PIKFYVE: variants seen among roughly 807,000 people sequenced by gnomAD.
PIKFYVE encodes phosphoinositide kinase, FYVE-type zinc finger containing.
PIKFYVE carries 122 observed loss-of-function variants against 257.9 expected under a neutral mutation model. The observed-to-expected ratio is 0.47, with a 90% CI of 0.41 to 0.55. PIKFYVE has a LOEUF of 0.55. Among genes scored for constraint, PIKFYVE ranks in the 20% least tolerant of loss-of-function variants. The pLI is 0.00. For synonymous variants in PIKFYVE, 892 were observed against 868.9 expected, an observed-to-expected ratio of 1.03 and a Z score of -0.47; for missense variants, 2,160 against 2,536.6, an observed-to-expected ratio of 0.85 and a Z score of 3.19.
At chr2:208,305,361 A>T in intron 12 of PIKFYVE, 8 of 1,137,596 alleles carry the variant, frequency 7.0e-6, no homozygotes, top group Non-Finnish European at 8.7e-6. Context: ...CTCTTTCTTC[A>T]TTTAACATTT....
rs185375928 is a variant in PIKFYVE, at chr2:208,283,860, G to A, written c.614-1866G>A. On this transcript the variant is annotated intron_variant, in intron 5 of 41. Transcript: ENST00000264380. The stretch of plus-strand genomic sequence containing the variant: ...TGGCCTCCCAAAGTGTTGGGATTAC[G>A]GGTGTGCACCACCATGCCTGGCCTA... 4.7e-3 allele frequency among the ~76,000 whole-genome samples: 719 copies of A among 152,206 alleles called. 4 individuals are homozygous for A. Among genetic ancestry groups the A allele is most frequent in the African/African-American group, 0.016 (676 of 41,538 alleles).
rs757878007 is a variant in PIKFYVE, at chr2:208,353,880, G to A, written c.5845-18G>A. ...TGGCAACCTGTACATAAATGACAAA[G>A]CATTTTCTTTTTACTAGGTTTTTGA... is the stretch of plus-strand genomic sequence containing the variant. On this transcript the variant is annotated intron_variant, in intron 39 of 41. Transcript: ENST00000264380. 5.0e-6 allele frequency: 8 copies of A among 1,613,128 alleles called. No homozygotes were observed. The highest frequency in any genetic ancestry group is 3.3e-5 in the South Asian group (3 of 91,056).
chr2:208,300,386 G>A (rs1177353047), intron 8 of PIKFYVE, among the ~76,000 whole-genome samples: 1 of 152,146 alleles, frequency 6.6e-6, no homozygotes, highest in Non-Finnish European at 1.5e-5. Flanking sequence ...TAGGAGTCTG[G>A]GGGCAATGAG....
rs1456834751 is a variant in PIKFYVE at position 208,357,579 on chromosome 2, C to G, written c.*2274C>G. ...ATAATACATTCTGAAACAATAGTTG[C>G]TGCCTTGCAAAGGTAATCTCTCATT... is the stretch of plus-strand genomic sequence containing the variant. On this transcript the variant is annotated 3_prime_UTR_variant, in exon 42 of 42. Transcript: ENST00000264380. 6.6e-6 allele frequency: 1 copy of G among 151,064 alleles called. No individual in the cohort carries two copies. The highest frequency in any genetic ancestry group is 1.5e-5 in the Non-Finnish European group (1 of 67,984). The allele number at this position is 151,064 out of a possible 1,614,324, so 9.4% of individuals were successfully genotyped here. A position where few individuals can be genotyped will look rare whatever the true frequency, so the allele number is the denominator to read the frequency against.
At chr2:208,314,127 T>G (rs1051529223) in intron 13 of PIKFYVE, among the ~76,000 whole-genome samples, 167 bp from the exon 14 acceptor site, 1 of 152,254 alleles carries the variant, frequency 6.6e-6, no homozygotes. Context: ...TATTTTCTTA[T>G]GCATTTTATT....
intron 5 of PIKFYVE, among the ~76,000 whole-genome samples, chr2:208,279,347 CTTGT>C (rs1690512326): frequency 6.6e-6 from 1 of 151,984 alleles, no homozygotes; most frequent in Non-Finnish European, 1.5e-5. Flanking sequence ...TATTCTGTGG[CTTGT>C]TTGTTTACTC....
At chr2:208,286,434 G>T (rs1318591193) in intron 6 of PIKFYVE, among the ~76,000 whole-genome samples, 1 of 152,004 alleles carries the variant, frequency 6.6e-6, no homozygotes, top group East Asian at 1.9e-4. Flanking sequence ...ATGTTTTTTT[G>T]TAAGTATACT....
intron 17 of PIKFYVE, 52 bp downstream of exon 17, chr2:208,320,411 G>A (rs1696079453): frequency 6.3e-7 from 1 of 1,594,916 alleles, no homozygotes; most frequent in Non-Finnish European, 8.6e-7. Flanking sequence ...TGTGTACCAT[G>A]ATGCTTATAA....
intron 28 of PIKFYVE, among the ~76,000 whole-genome samples, chr2:208,337,825 A>C (rs1198701554): frequency 2.0e-5 from 3 of 151,964 alleles, no homozygotes; most frequent in African/African-American, 7.3e-5. Flanking sequence ...GAGTTCAAGC[A>C]ATTCTCCTTC....
rs1164375212 is a variant in PIKFYVE, at chr2:208,340,110, A to G, written c.4910A>G (p.Tyr1637Cys). ...GCAAATTTGCTTCCAGGAAATAGCT[A>G]TAATCCTATTCCATTTCCTTTGTAA... The part of the protein sequence containing the change: ...IFANLLPGNS[Y>C]NPIPFPFDPD... The change falls in exon 31 of 42, where the codon TAT becomes TGT. Residue 1637 changes from tyrosine to cysteine, a missense_variant. Physicochemically the swap from Tyr to Cys is radical, Grantham distance 194. Around this residue, in one of 12 missense-constraint regions of PIKFYVE, gnomAD observed 699 missense variants for 855.8 expected, o/e 0.82. Coordinates refer to ENST00000264380, the MANE Select transcript of PIKFYVE (RefSeq NM_015040.4). 6.2e-7 allele frequency: 1 copy of G among 1,614,080 alleles called. No individual in the cohort carries two copies. Among genetic ancestry groups the G allele is most frequent in the South Asian group, 1.1e-5 (1 of 91,084 alleles).
chr2:208,302,659 T>C (rs763430691), intron 10 of PIKFYVE: 16 of 353,104 alleles, frequency 4.5e-5, no homozygotes, highest in Non-Finnish European at 8.1e-5. Context: ...TTATAGTTGC[T>C]TATCATTTAA....
At chr2:208,275,567 T>C (rs189700241) in intron 3 of PIKFYVE, among the ~76,000 whole-genome samples, 1 of 152,250 alleles carries the variant, frequency 6.6e-6, no homozygotes, top group Admixed American at 6.5e-5. Context: ...TATAACTTTA[T>C]AGAAAGATAA....
intron 3 of PIKFYVE, chr2:208,274,075 G>A (rs756635951): frequency 6.2e-6 from 10 of 1,608,176 alleles, no homozygotes; most frequent in Non-Finnish European, 7.6e-6. Context: ...CTTTGTGAAT[G>A]AATTCTGCAT....
chr2:208,318,423 T>C (rs1199399517), intron 16 of PIKFYVE, among the ~76,000 whole-genome samples: 1 of 152,192 alleles, frequency 6.6e-6, no homozygotes, highest in Non-Finnish European at 1.5e-5. Context: ...TTAAGGAGAC[T>C]CTGAGTTCCT....
intron 6 of PIKFYVE, among the ~76,000 whole-genome samples, chr2:208,287,004 G>A (rs936459204): frequency 6.6e-6 from 1 of 152,040 alleles, no homozygotes; most frequent in Non-Finnish European, 1.5e-5. Context: ...ATTAATTACA[G>A]CTACATTCAA....
chr2:208,335,056 G>A (rs954222070), intron 24 of PIKFYVE, among the ~76,000 whole-genome samples: 1 of 152,036 alleles, frequency 6.6e-6, no homozygotes, highest in Non-Finnish European at 1.5e-5. Flanking sequence ...TTTTACAGCA[G>A]GTAAGGATAA....
chr2:208,296,670 T>C (rs1190727911), intron 7 of PIKFYVE, among the ~76,000 whole-genome samples: 1 of 151,912 alleles, frequency 6.6e-6, no homozygotes, highest in Non-Finnish European at 1.5e-5. Flanking sequence ...AGGACTGAGA[T>C]TGGAGAAATC....
In PIKFYVE at chr2:208,329,913, G is replaced by A; in HGVS notation, c.3791G>A (p.Arg1264Lys). The change falls in exon 22 of 42, where the codon AGG becomes AAG. Residue 1264 changes from arginine to lysine, a missense_variant and splice_region_variant. Arg to Lys is a conservative substitution (Grantham distance 26, BLOSUM62 2). Around this residue, in one of 12 missense-constraint regions of PIKFYVE, gnomAD observed 55 missense variants for 103.0 expected, o/e 0.53. Coordinates refer to ENST00000264380, the MANE Select transcript of PIKFYVE (RefSeq NM_015040.4). ...ATATTTTTAGAGAGATACTGTTTCA[G>A]GTAAGAACATATTTCTTCCTTCTGT... is the stretch of plus-strand genomic sequence containing the variant. ...LGIFLERYCF[R>K]PSYQCPSMFC... 1 of 1,610,186 alleles carries A rather than the reference G, an allele frequency of 6.2e-7. No individual in the cohort carries two copies. Among genetic ancestry groups the A allele is most frequent in the Non-Finnish European group, 8.5e-7 (1 of 1,177,576 alleles).
At chr2:208,272,242 A>T (rs562726760) in intron 2 of PIKFYVE, among the ~76,000 whole-genome samples, 21 of 149,318 alleles carry the variant, frequency 1.4e-4, no homozygotes, top group African/African-American at 3.4e-4. Flanking sequence ...CTCAAAAAAT[A>T]AAAATAAAAT....
Sources: gnomAD v4.1 joint callset for allele counts (sites outside exome capture counted in the v4.1 genomes callset) on GRCh38, gnomAD v4.1.1 for gene constraint, gnomAD v4.1.1 regional missense constraint, MANE v1.5 for transcripts, NCBI Gene and HGNC (gene_info 2026-07-23, HGNC 2026-07-21) for gene names.